ADAMTS17: variants seen among roughly 807,000 people sequenced by gnomAD.
The protein encoded by ADAMTS17 is A disintegrin and metalloproteinase with thrombospondin motifs 17.
ADAMTS17 carries 113 observed loss-of-function variants against 141.5 expected under a neutral mutation model. The ratio of observed to expected loss-of-function variants is 0.80; its 90% CI spans 0.69 to 0.93. The LOEUF (loss-of-function observed/expected upper bound fraction) is 0.93, where lower values mean the gene tolerates loss of function less well. Ranked by LOEUF, ADAMTS17 falls within the 40% of genes least tolerant of loss-of-function variation. The pLI, the probability that ADAMTS17 is intolerant of heterozygous loss-of-function variation, is 0.00. For synonymous variants in ADAMTS17, 768 were observed against 630.6 expected, an observed-to-expected ratio of 1.22 and a Z score of -3.27; for missense variants, 1,659 against 1,517.9, an observed-to-expected ratio of 1.09 and a Z score of -1.54.
At chr15:100,264,123 T>C (rs1477657757) in intron 4 of ADAMTS17, among the ~76,000 whole-genome samples, 1 of 152,234 alleles carries the variant, frequency 6.6e-6, no homozygotes, top group Non-Finnish European at 1.5e-5. Flanking sequence ...CATTCAGTTG[T>C]TCTGTTCTCA....
At chr15:100,008,344 C>T (rs1284544569) in intron 18 of ADAMTS17, among the ~76,000 whole-genome samples, 5 of 152,120 alleles carry the variant, frequency 3.3e-5, no homozygotes, top group Admixed American at 1.3e-4. Flanking sequence ...CCCAGGGTGA[C>T]CAAGAGGTAG....
At chr15:100,163,595 C>CAAGTAG (rs1199642204) in intron 8 of ADAMTS17, among the ~76,000 whole-genome samples, 1 of 152,220 alleles carries the variant, frequency 6.6e-6, no homozygotes, top group Non-Finnish European at 1.5e-5. Context: ...AAGTGATCCT[C>CAAGTAG]CTGTCTCAGC....
intron 7 of ADAMTS17, among the ~76,000 whole-genome samples, chr15:100,199,984 C>T (rs1393109200): frequency 1.3e-5 from 2 of 152,224 alleles, no homozygotes; most frequent in African/African-American, 2.4e-5. Flanking sequence ...CAGCACGCCC[C>T]GGAAGGCTGC....
At chr15:100,324,208 G>A (rs2045827891) in intron 3 of ADAMTS17, among the ~76,000 whole-genome samples, 1 of 152,066 alleles carries the variant, frequency 6.6e-6, no homozygotes, top group South Asian at 2.1e-4. Context: ...GGGAGGCTGA[G>A]GCAGGAGAAT....
chr15:100,260,628 C>A (rs1370103195), intron 6 of ADAMTS17, among the ~76,000 whole-genome samples: 1 of 138,646 alleles, frequency 7.2e-6, no homozygotes, highest in Non-Finnish European at 1.6e-5. Context: ...AAAAAAAAAA[C>A]CAAAAAACAA....
At chr15:100,263,798 A>T (rs1197798817) in intron 4 of ADAMTS17, among the ~76,000 whole-genome samples, 2 of 152,222 alleles carry the variant, frequency 1.3e-5, no homozygotes, top group African/African-American at 4.8e-5. Context: ...AGGAGGGAGA[A>T]TTTTCCAGCA....
chr15:100,268,230 T>C (rs771638890), intron 4 of ADAMTS17, among the ~76,000 whole-genome samples: 24 of 152,208 alleles, frequency 1.6e-4, no homozygotes, highest in Non-Finnish European at 2.2e-4. Flanking sequence ...TTCCATGTCT[T>C]TGCTATTGTG....
chr15:100,197,432 T>G (rs140149004), intron 8 of ADAMTS17, among the ~76,000 whole-genome samples: 166 of 152,308 alleles, frequency 1.1e-3, no homozygotes, highest in African/African-American at 3.9e-3. Context: ...CCCTTGATGG[T>G]GGGAAGATGT....
At chr15:100,162,052 G>A (rs2039714778) in intron 8 of ADAMTS17, among the ~76,000 whole-genome samples, 1 of 152,046 alleles carries the variant, frequency 6.6e-6, no homozygotes, top group Non-Finnish European at 1.5e-5. Flanking sequence ...TACAAACTTC[G>A]GAATCACCAA....
chr15:100,109,866 C>G (rs960666954), intron 13 of ADAMTS17, among the ~76,000 whole-genome samples: 5 of 152,106 alleles, frequency 3.3e-5, no homozygotes, highest in African/African-American at 1.2e-4. Flanking sequence ...CACCCTGCAG[C>G]TCTTCCCTCA....
chr15:100,156,474 G>C (rs1294988195), intron 8 of ADAMTS17, among the ~76,000 whole-genome samples: 3 of 152,182 alleles, frequency 2.0e-5, no homozygotes. Flanking sequence ...ATGTGTTCTG[G>C]AACTTTGGGC....
intron 18 of ADAMTS17, among the ~76,000 whole-genome samples, chr15:100,046,851 T>G (rs1403182605): frequency 6.6e-6 from 1 of 152,162 alleles, no homozygotes; most frequent in East Asian, 1.9e-4. Context: ...CATGTGTGTT[T>G]GAACAATATG....
chr15:100,208,754 T>C (rs116187778), intron 7 of ADAMTS17, among the ~76,000 whole-genome samples: 1,752 of 32,002 alleles, frequency 0.055, 36 homozygotes, highest in African/African-American at 0.13. Flanking sequence ...GCATGTGAAA[T>C]AGAAGGAGAA....
chr15:100,278,771 G>C (rs929638805), intron 4 of ADAMTS17, among the ~76,000 whole-genome samples: 1 of 152,234 alleles, frequency 6.6e-6, no homozygotes, highest in Admixed American at 6.5e-5. Context: ...CCCACACCCA[G>C]TGGGCCCAGG....
intron 12 of ADAMTS17, among the ~76,000 whole-genome samples, chr15:100,131,301 T>C (rs2038028088): frequency 6.8e-6 from 1 of 146,772 alleles, no homozygotes; most frequent in African/African-American, 2.5e-5. Flanking sequence ...CAAACCACCA[T>C]GGCACGTGTA....
At chr15:100,116,785 GT>G in intron 13 of ADAMTS17, 61 bp downstream of exon 13, 1 of 1,611,284 alleles carries the variant, frequency 6.2e-7, no homozygotes, top group Non-Finnish European at 8.5e-7. Flanking sequence ...TCCCTAGGTG[GT>G]TTTTATATTC....
At chr15:100,162,394 CTATA>C (rs1237063507) in intron 8 of ADAMTS17, among the ~76,000 whole-genome samples, 3 of 145,076 alleles carry the variant, frequency 2.1e-5, no homozygotes, top group Non-Finnish European at 4.5e-5. Context: ...ATATAACTAT[CTATA>C]TGTGTATATA....
intron 13 of ADAMTS17, among the ~76,000 whole-genome samples, chr15:100,116,503 G>A (rs954472748): frequency 2.1e-4 from 32 of 152,268 alleles, no homozygotes; most frequent in African/African-American, 7.5e-4. Flanking sequence ...ACACTGGGAT[G>A]CCCCTGTAAA....
chr15:100,064,671 G>T (rs965193864), intron 15 of ADAMTS17, among the ~76,000 whole-genome samples: 16 of 152,140 alleles, frequency 1.1e-4, no homozygotes, highest in African/African-American at 3.6e-4. Context: ...TTCCTTGCAT[G>T]TTTTTAAGCA....
Sources: gnomAD v4.1 joint callset for allele counts (sites outside exome capture counted in the v4.1 genomes callset) on GRCh38, gnomAD v4.1.1 for gene constraint, MANE v1.5 for transcripts, NCBI Gene and HGNC (gene_info 2026-07-23, HGNC 2026-07-21) for gene names.